The following SLC35A3 variants were observed in gnomAD, a reference collection of about 807,000 sequenced individuals.
SLC35A3 encodes UDP-N-acetylglucosamine transporter.
SLC35A3 carries 26 observed loss-of-function variants against 39.0 expected under a neutral mutation model. The ratio of observed to expected loss-of-function variants is 0.67; its 90% confidence interval spans 0.49 to 0.92. The LOEUF is 0.92. Among genes scored for constraint, SLC35A3 ranks in the 40% least tolerant of loss-of-function variants. The pLI is 0.00. For synonymous variants in SLC35A3, 135 were observed against 133.1 expected (o/e 1.01, Z -0.10); for missense variants, 299 against 371.6 (o/e 0.80, Z 1.61).
At chr1:99,978,554 A>G (rs1467053212) in intron 1 of SLC35A3, among the ~76,000 whole-genome samples, 1 of 152,172 alleles carries the variant, frequency 6.6e-6, no homozygotes, top group East Asian at 1.9e-4. Flanking sequence ...TAAGAAAATA[A>G]GAAATAAAAT....
At chr1:100,005,034 G>A (rs1446716259) in intron 3 of SLC35A3, among the ~76,000 whole-genome samples, 1 of 152,218 alleles carries the variant, frequency 6.6e-6, no homozygotes, top group Admixed American at 6.5e-5. Context: ...TGGGATTACA[G>A]GCATGAGCCT....
intron 1 of SLC35A3, among the ~76,000 whole-genome samples, chr1:99,979,792 C>A (rs540796058): frequency 2.4e-4 from 37 of 151,416 alleles, no homozygotes; most frequent in Non-Finnish European, 4.9e-4. Flanking sequence ...GCCTGTAATC[C>A]CAGCACTTTG....
At position 100,029,950 on chromosome 1, in the gene SLC35A3, C is replaced by A. The variant is rs1245209509; in HGVS notation, c.*7474C>A. On this transcript the variant is annotated 3_prime_UTR_variant, in exon 8 of 8. Coordinates refer to ENST00000533028, the MANE Select transcript of SLC35A3 (RefSeq NM_012243.3). Reference sequence around the variant, plus strand: ...ATAAATGCTGGACTATTTTAAACTACAAATTTAAAACATGGTTTATAAACC... The same window carrying A: ...ATAAATGCTGGACTATTTTAAACTAAAAATTTAAAACATGGTTTATAAACC... 2.0e-5 allele frequency: 3 copies of A among 152,146 alleles called. No homozygotes were observed. The East Asian group carries it at 5.8e-4, about 29-fold the overall frequency. 9.4% of individuals were successfully genotyped at this position (152,146 alleles called of 1,614,324 possible). A position where few individuals can be genotyped will look rare whatever the true frequency, so the allele number is the denominator to read the frequency against.
intron 4 of SLC35A3, chr1:100,008,529 C>T (rs946138946): frequency 6.6e-6 from 1 of 152,232 alleles, no homozygotes; most frequent in Non-Finnish European, 1.5e-5. Context: ...AATGTACCTA[C>T]AGTTCTAGAC....
intron 1 of SLC35A3, among the ~76,000 whole-genome samples, chr1:99,986,878 A>G (rs1311323004): frequency 6.6e-6 from 1 of 152,212 alleles, no homozygotes; most frequent in Admixed American, 6.5e-5. Flanking sequence ...CTGAGCCACC[A>G]CGCCTGGCCT....
intron 5 of SLC35A3, among the ~76,000 whole-genome samples, chr1:100,012,985 C>T (rs569787474): frequency 2.9e-3 from 443 of 152,188 alleles, no homozygotes; most frequent in Non-Finnish European, 4.3e-3. Flanking sequence ...AGACATCTAC[C>T]TCATAGTGTT....
chr1:100,001,916 TATATATTAA>T (rs1658845005), intron 3 of SLC35A3, among the ~76,000 whole-genome samples: 1 of 152,232 alleles, frequency 6.6e-6, no homozygotes. Context: ...TGATTTTGCA[TATATATTAA>T]ACCATCTTTG....
chr1:100,028,226 G>A lies in SLC35A3; in HGVS notation c.*5750G>A, dbSNP rs482047. ...AGTGCTGGGTTTACAGGCGTGAGCC[G>A]CTGCGCCCGGCCAATACTGCCTTTC... On this transcript the variant is annotated 3_prime_UTR_variant, in exon 8 of 8. Coordinates refer to ENST00000533028, the MANE Select transcript of SLC35A3 (RefSeq NM_012243.3). 33,401 of 151,500 alleles carry A rather than the reference G, an allele frequency of 0.22. 5,075 individuals carry two copies. The highest frequency in any genetic ancestry group is 0.43 in the African/African-American group (17,959 of 41,286). The allele number at this position is 151,500 out of a possible 1,614,324, so 9.4% of individuals were successfully genotyped here.
intron 1 of SLC35A3, among the ~76,000 whole-genome samples, chr1:99,983,375 TA>T (rs1227327716): frequency 6.6e-6 from 1 of 151,524 alleles, no homozygotes; most frequent in Non-Finnish European, 1.5e-5. Context: ...CCGTCTCTAC[TA>T]AAAATACAAA....
intron 1 of SLC35A3, among the ~76,000 whole-genome samples, chr1:99,978,155 T>C (rs1331245661): frequency 1.3e-5 from 2 of 152,238 alleles, no homozygotes; most frequent in African/African-American, 4.8e-5. Flanking sequence ...AACATACTAA[T>C]GAAAATTGTG....
intron 5 of SLC35A3, among the ~76,000 whole-genome samples, chr1:100,013,936 A>G (rs965540587): frequency 3.3e-5 from 5 of 152,208 alleles, no homozygotes; most frequent in Non-Finnish European, 7.3e-5. Flanking sequence ...TTAACTGCAC[A>G]TATTTCAAAG....
At chr1:100,007,245 T>C (rs968926309) in intron 4 of SLC35A3, 89 bp downstream of exon 4, 1 of 1,208,246 alleles carries the variant, frequency 8.3e-7, no homozygotes, top group African/African-American at 1.6e-5. Flanking sequence ...GTTCTATTGA[T>C]TGTTGAAACC....
In SLC35A3 at chr1:99,996,900, C is replaced by CT. The variant is rs576719588; in HGVS notation, c.188-2359dup. The stretch of plus-strand genomic sequence containing the variant: ...TCAAAAAACTTTCCATAATCAAAGT[C>CT]TTCCTATTTTATATTGAGAGAAAAA... On this transcript the variant is annotated intron_variant, in intron 2 of 7. Coordinates refer to ENST00000533028, the MANE Select transcript of SLC35A3 (RefSeq NM_012243.3). Among the ~76,000 whole-genome samples the CT allele has an allele frequency of 1.3e-4, 20 of 151,946 alleles. No homozygotes were observed. The East Asian group carries it at 3.9e-3, about 29-fold the overall frequency.
rs1330678656 is a variant in SLC35A3, at chr1:100,029,473, C to G, written c.*6997C>G. On this transcript the variant is annotated 3_prime_UTR_variant, in exon 8 of 8. Transcript: ENST00000533028. ...TGAGATGGAGTCTCGCTCTGTCACT[C>G]AGGCTGGAGTTCAGCGGCACGATCT... 1 of 139,842 alleles carries G rather than the reference C, an allele frequency of 7.2e-6. No homozygotes were observed. The highest frequency in any genetic ancestry group is 2.7e-5 in the African/African-American group (1 of 36,562). The allele number at this position is 139,842 out of a possible 1,614,324, so 8.7% of individuals were successfully genotyped here. A position where few individuals can be genotyped will look rare whatever the true frequency, so the allele number is the denominator to read the frequency against.
Position 100,027,107 on chromosome 1 carries a change from C to G in SLC35A3, c.*4631C>G, listed in dbSNP as rs1296564888. On this transcript the variant is annotated 3_prime_UTR_variant, in exon 8 of 8. Transcript: ENST00000533028. The stretch of plus-strand genomic sequence containing the variant: ...TTCTCTGGCTCTGTAGTATCTCTAT[C>G]ACTGTCACATGTGATCTTTCTTCCT... 1 of 398,254 alleles carries G rather than the reference C, an allele frequency of 2.5e-6. No homozygotes were observed. The highest frequency in any genetic ancestry group is 4.4e-6 in the Non-Finnish European group (1 of 226,016). 24.7% of individuals were successfully genotyped at this position (398,254 alleles called of 1,614,324 possible).
At chr1:99,997,527 T>C (rs1422282389) in intron 2 of SLC35A3, among the ~76,000 whole-genome samples, 2 of 134,884 alleles carry the variant, frequency 1.5e-5, no homozygotes, top group Non-Finnish European at 3.2e-5. Flanking sequence ...AAATTGGACA[T>C]GTATTAAGAT....
Position 100,022,555 on chromosome 1 carries a change from A to G in SLC35A3, c.*79A>G. The G allele has an allele frequency of 5.6e-6, 4 of 713,368 alleles. No homozygotes were observed. The highest frequency in any genetic ancestry group is 9.7e-6 in the Non-Finnish European group (4 of 413,588). The allele number at this position is 713,368 out of a possible 1,614,324, so 44.2% of individuals were successfully genotyped here. On this transcript the variant is annotated 3_prime_UTR_variant, in exon 8 of 8. Coordinates refer to ENST00000533028, the MANE Select transcript of SLC35A3 (RefSeq NM_012243.3). The stretch of plus-strand genomic sequence containing the variant: ...TTAATCTTGCACAGAGGACTTCTAC[A>G]GAGTCTGAGAAGATATCATCATGCT...
intron 2 of SLC35A3, among the ~76,000 whole-genome samples, chr1:99,995,160 C>CTTT (rs869144452): frequency 1.4e-5 from 1 of 73,064 alleles, no homozygotes; most frequent in African/African-American, 5.1e-5. Flanking sequence ...TTCTTTCTTT[C>CTTT]TTTTTTTTTC....
At chr1:100,015,574 A>T in intron 6 of SLC35A3, 154 bp downstream of exon 6, 1 of 749,470 alleles carries the variant, frequency 1.3e-6, no homozygotes, top group Non-Finnish European at 1.9e-6. Context: ...AATAGAAGTG[A>T]TCTTAATGCT....
Sources: gnomAD v4.1 joint callset for allele counts (sites outside exome capture counted in the v4.1 genomes callset) on GRCh38, gnomAD v4.1.1 for gene constraint, MANE v1.5 for transcripts, NCBI Gene and HGNC (gene_info 2026-07-23, HGNC 2026-07-21) for gene names.